Variants in GATAD2B observed in about 807,000 individuals in gnomAD.
GATAD2B encodes the protein transcriptional repressor p66-beta.
A neutral mutation model predicts 64.3 loss-of-function variants in GATAD2B; 8 were observed. That is an observed-to-expected ratio of 0.12 (90% CI 0.07 to 0.22). The LOEUF (loss-of-function observed/expected upper bound fraction) is 0.22, where lower values mean the gene tolerates loss of function less well. Among genes scored for constraint, GATAD2B ranks in the 10% least tolerant of loss-of-function variants. GATAD2B has a pLI of 1.00. For missense variants in GATAD2B, 453 were observed against 752.0 expected, an observed-to-expected ratio of 0.60 and a Z score of 4.65; for synonymous variants, 281 against 271.3, an observed-to-expected ratio of 1.04 and a Z score of -0.35.
chr1:153,905,689 C>T (rs1355522901), intron 1 of GATAD2B, among the ~76,000 whole-genome samples: 2 of 147,820 alleles, frequency 1.4e-5, no homozygotes, highest in East Asian at 2.0e-4. Flanking sequence ...CCCAGCTACT[C>T]GGGAGGCTGA....
At chr1:153,902,263 A>G (rs1677802564) in intron 1 of GATAD2B, among the ~76,000 whole-genome samples, 1 of 152,144 alleles carries the variant, frequency 6.6e-6, no homozygotes, top group Non-Finnish European at 1.5e-5. Flanking sequence ...CCTGGGCAAC[A>G]AGAGCGAAAC....
chr1:153,879,762 C>CAAAAAAA (rs71093298), intron 1 of GATAD2B, among the ~76,000 whole-genome samples: 4 of 80,964 alleles, frequency 4.9e-5, no homozygotes, highest in Non-Finnish European at 7.2e-5. Flanking sequence ...ACACTGTCTA[C>CAAAAAAA]AAAAAAAAAA....
intron 1 of GATAD2B, among the ~76,000 whole-genome samples, chr1:153,864,121 C>A (rs930091611): frequency 6.6e-6 from 1 of 152,190 alleles, no homozygotes; most frequent in African/African-American, 2.4e-5. Flanking sequence ...AATTTGTACA[C>A]ACACACATAC....
intron 1 of GATAD2B, among the ~76,000 whole-genome samples, chr1:153,847,377 A>G (rs920864419): frequency 6.6e-6 from 1 of 152,142 alleles, no homozygotes; most frequent in African/African-American, 2.4e-5. Context: ...ACTTCTGTAG[A>G]TAAGTAAAAA....
At chr1:153,840,637 G>A (rs1033904707) in intron 1 of GATAD2B, among the ~76,000 whole-genome samples, 2 of 152,096 alleles carry the variant, frequency 1.3e-5, no homozygotes, top group African/African-American at 2.4e-5. Flanking sequence ...GGGCCCAGCC[G>A]AAAATACATT....
intron 1 of GATAD2B, among the ~76,000 whole-genome samples, chr1:153,830,456 T>TTTATC: frequency 7.2e-6 from 1 of 138,050 alleles, no homozygotes; most frequent in East Asian, 2.1e-4. Flanking sequence ...TGTTTTTATT[T>TTTATC]TTATTTTATT....
intron 1 of GATAD2B, among the ~76,000 whole-genome samples, chr1:153,835,565 C>T (rs995580090): frequency 6.6e-6 from 1 of 152,062 alleles, no homozygotes; most frequent in Admixed American, 6.5e-5. Flanking sequence ...AGACACTCTA[C>T]CAGCTAAAAG....
intron 1 of GATAD2B, among the ~76,000 whole-genome samples, chr1:153,842,863 C>A (rs1382469239): frequency 6.6e-6 from 1 of 151,800 alleles, no homozygotes; most frequent in Non-Finnish European, 1.5e-5. Flanking sequence ...CCATGTTGGT[C>A]AGGGTGGTCT....
chr1:153,859,907 CTTTTTTTTTTTTTTTTTTTT>C (rs34557576), intron 1 of GATAD2B, among the ~76,000 whole-genome samples: 1 of 60,876 alleles, frequency 1.6e-5, no homozygotes, highest in African/African-American at 6.9e-5. Flanking sequence ...CTTTTCTTTT[CTTTTTTTTTTTTTTTTTTTT>C]TTTTTTTTGA....
intron 1 of GATAD2B, among the ~76,000 whole-genome samples, chr1:153,900,602 A>C (rs1168896771): frequency 6.6e-6 from 1 of 152,042 alleles, no homozygotes; most frequent in Admixed American, 6.6e-5. Context: ...TGCAGCCTCA[A>C]CCTCTTGGGT....
At position 153,811,799 on chromosome 1, in the gene GATAD2B, C is replaced by T. The variant is rs1340765678; in HGVS notation, c.1580G>A (p.Arg527His). ...CTGTGCAAAGTTTGAAAGCATGGAG[C>T]GGGCAGATGTGGGTATGCCACGCTG... ...SLQRGIPTSA[R>H]SMLSNFAQAP... is the part of the protein sequence containing the mutation. Residue 527 changes from arginine (R) to histidine (H), a missense_variant, in exon 10 of 11, where the codon CGC (arginine) becomes CAC (histidine). Around this residue, in one of 2 missense-constraint regions of GATAD2B, gnomAD observed 160 missense variants for 334.7 expected, o/e 0.48. Transcript: ENST00000368655. 5 of 1,612,934 alleles carry T rather than the reference C, an allele frequency of 3.1e-6. No individual in the cohort carries two copies. The highest frequency in any genetic ancestry group is 1.3e-5 in the African/African-American group (1 of 74,840).
intron 1 of GATAD2B, among the ~76,000 whole-genome samples, chr1:153,916,961 CCAT>C (rs949210262): frequency 1.3e-5 from 2 of 151,872 alleles, no homozygotes; most frequent in African/African-American, 4.8e-5. Context: ...GCGCCCACCA[CCAT>C]GTCTGGCTAA....
intron 1 of GATAD2B, among the ~76,000 whole-genome samples, chr1:153,840,869 T>C (rs995489492): frequency 2.6e-5 from 4 of 152,078 alleles, no homozygotes; most frequent in African/African-American, 9.7e-5. Flanking sequence ...CTCACGCCTG[T>C]AATCCCAGCA....
intron 1 of GATAD2B, among the ~76,000 whole-genome samples, chr1:153,831,704 G>A (rs1675081158): frequency 6.6e-6 from 1 of 152,124 alleles, no homozygotes; most frequent in African/African-American, 2.4e-5. Context: ...CTAGAAAGTG[G>A]AGTGCTATAG....
intron 2 of GATAD2B, among the ~76,000 whole-genome samples, chr1:153,822,514 C>T (rs558565516): frequency 3.3e-4 from 50 of 152,226 alleles, no homozygotes; most frequent in African/African-American, 1.2e-3. Context: ...AAGCCAAAGC[C>T]TCTCTGTTTT....
chr1:153,837,651 A>G (rs1268766081), intron 1 of GATAD2B, among the ~76,000 whole-genome samples: 1 of 152,164 alleles, frequency 6.6e-6, no homozygotes, highest in Non-Finnish European at 1.5e-5. Context: ...GGTACACGTG[A>G]TCTTTTTAGG....
intron 1 of GATAD2B, among the ~76,000 whole-genome samples, chr1:153,845,526 C>G (rs1430937641): frequency 6.6e-6 from 1 of 151,872 alleles, no homozygotes; most frequent in Non-Finnish European, 1.5e-5. Flanking sequence ...CGGGTGGATC[C>G]CATGAGCTCA....
At chr1:153,853,155 C>T in intron 1 of GATAD2B, 1 of 1,406,812 alleles carries the variant, frequency 7.1e-7, no homozygotes, top group South Asian at 1.2e-5. Context: ...CCTGTCTAGC[C>T]CCTTACAGAC....
intron 1 of GATAD2B, among the ~76,000 whole-genome samples, chr1:153,838,983 C>T (rs1237778978): frequency 6.6e-6 from 1 of 151,882 alleles, no homozygotes; most frequent in East Asian, 1.9e-4. Context: ...GTGGTGCATG[C>T]CTGTAATCCC....
Sources: allele counts gnomAD v4.1 joint callset (sites outside exome capture counted in the v4.1 genomes callset), GRCh38; gene constraint gnomAD v4.1.1; regional missense constraint gnomAD v4.1.1; transcripts MANE v1.5; gene names NCBI Gene and HGNC (gene_info 2026-07-23, HGNC 2026-07-21).